The following TRHDE variants were observed in gnomAD, a reference collection of about 807,000 sequenced individuals.
TRHDE encodes thyrotropin-releasing hormone-degrading ectoenzyme.
TRHDE carries 72 observed loss-of-function variants against 125.7 expected under a neutral mutation model. The observed-to-expected ratio is 0.57, with a 90% CI of 0.47 to 0.70. The LOEUF (loss-of-function observed/expected upper bound fraction) is 0.70. TRHDE is among the 30% of genes least tolerant of loss of function. TRHDE has a pLI of 0.00. For synonymous variants in TRHDE, 509 were observed against 509.1 expected (o/e 1.00, Z 0.00); for missense variants, 1,110 against 1,327.1 (o/e 0.84, Z 2.54).
intron 3 of TRHDE, among the ~76,000 whole-genome samples, chr12:72,431,122 G>T (rs1398402390): frequency 6.6e-6 from 1 of 151,980 alleles, no homozygotes; most frequent in East Asian, 1.9e-4. Context: ...TAGTAATCTT[G>T]CTGAACTATT....
chr12:72,433,488 C>A (rs994380745), intron 3 of TRHDE, among the ~76,000 whole-genome samples: 2 of 151,988 alleles, frequency 1.3e-5, no homozygotes, highest in African/African-American at 4.8e-5. Context: ...GTCTCCTTGG[C>A]TTGCCTCCCC....
rs530531920 is a variant in TRHDE at position 72,384,875 on chromosome 12, T to C, written c.1315+6754T>C. ...AGCTTTTCATCACATATTTGTATTA[T>C]TAAATTTCTATAGAATATTTATAAT... On this transcript the variant is annotated intron_variant, in intron 3 of 18. Coordinates refer to ENST00000261180, the MANE Select transcript of TRHDE (RefSeq NM_013381.3). 1.9e-3 allele frequency among the ~76,000 whole-genome samples: 283 copies of C among 152,224 alleles called. 4 individuals are homozygous for C. Among genetic ancestry groups the C allele is most frequent in the South Asian group, 9.1e-3 (44 of 4,822 alleles).
At chr12:72,433,409 G>A (rs536758188) in intron 3 of TRHDE, among the ~76,000 whole-genome samples, 1 of 152,178 alleles carries the variant, frequency 6.6e-6, no homozygotes, top group South Asian at 2.1e-4. Context: ...GTAATTTAGG[G>A]TCCAGTCTTT....
At chr12:72,519,722 G>A (rs1321755684) in intron 6 of TRHDE, among the ~76,000 whole-genome samples, 2 of 152,138 alleles carry the variant, frequency 1.3e-5, no homozygotes, top group East Asian at 1.9e-4. Context: ...GAGGTGCTCT[G>A]CTTTTTAGAG....
At chr12:72,539,432 C>T (rs966893964) in intron 6 of TRHDE, among the ~76,000 whole-genome samples, 1 of 151,830 alleles carries the variant, frequency 6.6e-6, no homozygotes, top group African/African-American at 2.4e-5. Flanking sequence ...TGAATAGCTC[C>T]TCTACAAGAA....
At chr12:72,471,820 C>T (rs1287092290) in intron 4 of TRHDE, among the ~76,000 whole-genome samples, 1 of 152,198 alleles carries the variant, frequency 6.6e-6, no homozygotes, top group Non-Finnish European at 1.5e-5. Context: ...GTCAGCCAAG[C>T]TTGTTAATGT....
In TRHDE at chr12:72,665,806, G is replaced by A. The variant is rs943804847; in HGVS notation, c.*2611G>A. The A allele has an allele frequency of 2.0e-5, 3 of 151,988 alleles. No individual in the cohort carries two copies. The highest frequency in any genetic ancestry group is 4.4e-5 in the Non-Finnish European group (3 of 67,964). The allele number at this position is 151,988 out of a possible 1,614,324, so 9.4% of individuals were successfully genotyped here. A position where few individuals can be genotyped will look rare whatever the true frequency, so the allele number is the denominator to read the frequency against. ...AGGACAACATTATTTATCACATTGA[G>A]TATTAAACATTTCCAGGTAACTCGT... On this transcript the variant is annotated 3_prime_UTR_variant, in exon 19 of 19. Coordinates refer to ENST00000261180, the MANE Select transcript of TRHDE (RefSeq NM_013381.3).
chr12:72,465,096 T>G (rs917486046), intron 3 of TRHDE, among the ~76,000 whole-genome samples: 1 of 152,216 alleles, frequency 6.6e-6, no homozygotes, highest in Non-Finnish European at 1.5e-5. Flanking sequence ...TACATTTTAA[T>G]GGGTATAGTC....
upstream of TRHDE, among the ~76,000 whole-genome samples, chr12:72,271,573 A>G (rs898966301): frequency 5.3e-5 from 8 of 152,088 alleles, no homozygotes; most frequent in Admixed American, 3.3e-4. Flanking sequence ...CTAATCTCCC[A>G]GTGCCTGCCT....
At chr12:72,582,907 C>A (rs1382341673) in intron 12 of TRHDE, among the ~76,000 whole-genome samples, 1 of 152,112 alleles carries the variant, frequency 6.6e-6, no homozygotes, top group African/African-American at 2.4e-5. Flanking sequence ...TATTTAATCC[C>A]TATCTTTTTC....
chr12:72,120,484 G>T, intron 2 of TRHDE, among the ~76,000 whole-genome samples: 1 of 151,236 alleles, frequency 6.6e-6, no homozygotes, highest in African/African-American at 2.4e-5. Flanking sequence ...TTAATTTCTT[G>T]CTTTCTATTT....
rs1011456133 is a variant in TRHDE at position 72,273,836 on chromosome 12, T to C, written c.914+279T>C. On this transcript the variant is annotated intron_variant, in intron 1 of 18. Coordinates refer to ENST00000261180, the MANE Select transcript of TRHDE (RefSeq NM_013381.3). This position sits in a 1 kb window ranked among gnomAD's most constrained non-coding sequence, Gnocchi z 5.3. ...CCTCTCCTCTTCCTGTCAGAGTTCC[T>C]TAGCCATCGAAACGCAGGGCTCTTT... The C allele has an allele frequency of 2.5e-6, 1 of 398,510 alleles. No homozygotes were observed. Among genetic ancestry groups the C allele is most frequent in the Admixed American group, 3.9e-5 (1 of 25,770 alleles). The allele number at this position is 398,510 out of a possible 1,614,324, so 24.7% of individuals were successfully genotyped here. A position where few individuals can be genotyped will look rare whatever the true frequency, so the allele number is the denominator to read the frequency against.
At chr12:72,155,951 G>A (rs973597883) in intron 2 of TRHDE, among the ~76,000 whole-genome samples, 1 of 152,216 alleles carries the variant, frequency 6.6e-6, no homozygotes, top group African/African-American at 2.4e-5. Flanking sequence ...AGTCTGCAGA[G>A]TTTTCTGTTG....
At chr12:72,334,156 G>A (rs754520090) in intron 2 of TRHDE, among the ~76,000 whole-genome samples, 1 of 152,138 alleles carries the variant, frequency 6.6e-6, no homozygotes, top group African/African-American at 2.4e-5. Context: ...CTCATGGAGA[G>A]TAAAAATTTC....
upstream of TRHDE, chr12:72,272,193 AC>A: frequency 2.2e-6 from 1 of 448,748 alleles, no homozygotes; most frequent in Non-Finnish European, 4.5e-6. The surrounding 1 kb of genome is among the most constrained non-coding windows in gnomAD (Gnocchi z 6.7). Flanking sequence ...GAAAGCCCTA[AC>A]TTCCCTCTCT....
intron 2 of TRHDE, among the ~76,000 whole-genome samples, chr12:72,305,293 A>G (rs980939338): frequency 8.5e-5 from 13 of 152,216 alleles, no homozygotes; most frequent in African/African-American, 3.1e-4. Context: ...ATTAGGTTAA[A>G]TCATTTCAAC....
chr12:72,551,473 G>A (rs1044884371), intron 7 of TRHDE, among the ~76,000 whole-genome samples: 3 of 152,024 alleles, frequency 2.0e-5, no homozygotes, highest in Non-Finnish European at 2.9e-5. Flanking sequence ...ACATATAAGT[G>A]TTAAAAAGTC....
At position 72,664,198 on chromosome 12, in the gene TRHDE, C is replaced by T. The variant is rs185227202; in HGVS notation, c.*1003C>T. 2.0e-5 allele frequency: 3 copies of T among 152,580 alleles called. No individual in the cohort carries two copies. Among genetic ancestry groups the T allele is most frequent in the South Asian group, 2.1e-4 (1 of 4,814 alleles). 9.5% of individuals were successfully genotyped at this position (152,580 alleles called of 1,614,324 possible). On this transcript the variant is annotated 3_prime_UTR_variant, in exon 19 of 19. Transcript: ENST00000261180. ...TTTGCCATCGTTTTCTGTCAAAGTT[C>T]CTTTTGCATGAAACAATTATGCAAA...
intron 12 of TRHDE, among the ~76,000 whole-genome samples, chr12:72,613,262 A>G (rs1338778171): frequency 6.6e-6 from 1 of 152,154 alleles, no homozygotes; most frequent in Non-Finnish European, 1.5e-5. Flanking sequence ...AAGCTATTTT[A>G]TTTTGGTATA....
Sources: gnomAD v4.1 joint callset for allele counts (sites outside exome capture counted in the v4.1 genomes callset) on GRCh38, gnomAD v4.1.1 for gene constraint, Gnocchi (gnomAD v3.1) non-coding constraint, MANE v1.5 for transcripts, NCBI Gene and HGNC (gene_info 2026-07-23, HGNC 2026-07-21) for gene names.